PAX4: variants seen among roughly 807,000 people sequenced by gnomAD.
The protein encoded by PAX4 is paired box 4, also known as paired box protein Pax-4.
Under a neutral mutation model 40.6 loss-of-function variants are expected in PAX4, and 33 were observed. The observed-to-expected ratio is 0.81, with a 90% CI of 0.62 to 1.09. The LOEUF (loss-of-function observed/expected upper bound fraction) is 1.09, where lower values mean the gene tolerates loss of function less well. PAX4 is among the 50% of genes least tolerant of loss of function. PAX4 has a pLI of 0.00. For synonymous variants in PAX4, 174 were observed against 170.6 expected, an observed-to-expected ratio of 1.02 and a Z score of -0.16; for missense variants, 459 against 442.5, an observed-to-expected ratio of 1.04 and a Z score of -0.33.
At chr7:127,611,872 C>T (rs950861783) in intron 10 of PAX4, 73 bp downstream of exon 10, 10 of 1,607,262 alleles carry the variant, frequency 6.2e-6, no homozygotes, top group Non-Finnish European at 7.6e-6. Context: ...GATCCTGGCT[C>T]AGGCCAGAAA....
rs1794743822 is a variant in PAX4, at chr7:127,617,953, G to A, written c.-226+9C>T. Reference sequence around the variant, plus strand: ...GGCAGGGCAGACAATGAGCCTGCAGGTGAGCTACCTGTGTGGAGGAAATGA... The same window carrying A: ...GGCAGGGCAGACAATGAGCCTGCAGATGAGCTACCTGTGTGGAGGAAATGA... On this transcript the variant is annotated intron_variant, in intron 1 of 11. Coordinates refer to ENST00000639438, the MANE Select transcript of PAX4 (RefSeq NM_001366110.1). 6.6e-6 allele frequency: 1 copy of A among 152,246 alleles called. No individual in the cohort carries two copies. Among genetic ancestry groups the A allele is most frequent in the Non-Finnish European group, 1.5e-5 (1 of 68,108 alleles). 9.4% of individuals were successfully genotyped at this position (152,246 alleles called of 1,614,324 possible). A position where few individuals can be genotyped will look rare whatever the true frequency, so the allele number is the denominator to read the frequency against.
intron 2 of PAX4, among the ~76,000 whole-genome samples, 153 bp from the exon 3 acceptor site, chr7:127,616,180 A>AT (rs1261482859): frequency 6.6e-6 from 1 of 152,212 alleles, no homozygotes; most frequent in East Asian, 1.9e-4. Context: ...CCTTTGTGTG[A>AT]TAAAAACTAA....
chr7:127,612,950 T>G (rs1170485196), intron 9 of PAX4, 72 bp downstream of exon 9: 2 of 1,097,206 alleles, frequency 1.8e-6, no homozygotes, highest in Admixed American at 3.4e-5. Flanking sequence ...GATGGATGGA[T>G]GGATGGATGG....
At chr7:127,617,661 G>T (rs974136169) in intron 1 of PAX4, among the ~76,000 whole-genome samples, 2 of 152,168 alleles carry the variant, frequency 1.3e-5, no homozygotes, top group Non-Finnish European at 2.9e-5. Flanking sequence ...GAATTCAAAA[G>T]AGCAGTAGGG....
At chr7:127,615,278 C>CA (rs1402493237) in intron 4 of PAX4, 123 bp downstream of exon 4, 11 of 1,604,246 alleles carry the variant, frequency 6.9e-6, no homozygotes, top group Non-Finnish European at 9.3e-6. Context: ...GAGGATCTCC[C>CA]AGGAAGTGAC....
chr7:127,615,653 A>G, intron 3 of PAX4, 122 bp from the exon 4 acceptor site: 1 of 1,581,492 alleles, frequency 6.3e-7, no homozygotes, highest in Non-Finnish European at 8.6e-7. Flanking sequence ...CTCCTGGGAG[A>G]CTGCATCCTT....
At chr7:127,615,869 T>C (rs1312839810) in intron 3 of PAX4, 47 bp downstream of exon 3, 3 of 1,535,752 alleles carry the variant, frequency 2.0e-6, no homozygotes, top group Non-Finnish European at 1.7e-6. Context: ...GGTCTTCCCC[T>C]GTCTCTGTTG....
intron 3 of PAX4, 160 bp downstream of exon 3, chr7:127,615,756 A>G (rs1794715690): frequency 1.3e-6 from 2 of 1,501,102 alleles, no homozygotes; most frequent in African/African-American, 1.4e-5. Flanking sequence ...AACTCTCCTG[A>G]TCTAAGGGAA....
In PAX4 at chr7:127,610,570, T is replaced by TGC. The variant is rs61297182; in HGVS notation, c.*492_*493dup. ...CAGTGTGTGTGTGTGTGTGTGTGTG[T>TGC]GCGCGCACGCATGCACGCATACATA... On this transcript the variant is annotated 3_prime_UTR_variant, in exon 12 of 12. Transcript: ENST00000639438. 0.18 allele frequency: 56,459 copies of TGC among 313,192 alleles called. 5,446 individuals are homozygous for TGC. Among genetic ancestry groups the TGC allele is most frequent in the South Asian group, 0.22 (6,459 of 29,126 alleles). The allele number at this position is 313,192 out of a possible 1,614,324, so 19.4% of individuals were successfully genotyped here.
rs147670794 is a variant in PAX4 at position 127,611,954 on chromosome 7, G to A, written c.762C>T (p.Ile254=). 429 of 1,614,044 alleles carry A rather than the reference G, an allele frequency of 2.7e-4. 1 individual carries two copies. The highest frequency in any genetic ancestry group is 3.4e-4 in the Non-Finnish European group (398 of 1,180,028). Residue 254 remains isoleucine (I), a synonymous_variant, in exon 10 of 12, where the codon ATC becomes ATT. Coordinates refer to ENST00000639438, the MANE Select transcript of PAX4 (RefSeq NM_001366110.1). The stretch of plus-strand genomic sequence containing the variant: ...CTCTCCTCCCGAGTACCTGTGCAGA[G>A]ATGATTCCTGGGGCAACCCTTGGTA... The part of the protein sequence containing the change: ...LTVPRVAPGI[I]SAQQSPGSVP...
Position 127,614,888 on chromosome 7 carries a change from T to C in PAX4, c.352A>G (p.Thr118Ala). Residue 118 changes from threonine (T) to alanine (A), a missense_variant, in exon 5 of 12, where the codon ACT becomes GCT. Coordinates refer to ENST00000639438, the MANE Select transcript of PAX4 (RefSeq NM_001366110.1). ...CAEGLCTQDK[T>A]PSVSSINRVL... ...GAGGGAAGGGTACTTACACTGGGAG[T>C]CTTGTCCTGGGTGCAAAGCCCTTCA... The C allele has an allele frequency of 1.9e-6, 3 of 1,613,528 alleles. No individual in the cohort carries two copies. The South Asian group carries it at 3.3e-5, about 18-fold the overall frequency.
At position 127,615,402 on chromosome 7, in the gene PAX4, T is replaced by C. The variant is rs777298002; in HGVS notation, c.143A>G (p.Lys48Arg). The change falls in exon 4 of 12, where the codon AAG (lysine) becomes AGG (arginine). Residue 48 changes from lysine (K) to arginine (R), a missense_variant and splice_region_variant. Transcript: ENST00000639438. Reference sequence around the variant, plus strand: ...TGGGTAAAGGTGCTGGCCCATTACCTTAAGGATCCGTGAGATGTCACAGGG... The same window carrying C: ...TGGGTAAAGGTGCTGGCCCATTACCCTAAGGATCCGTGAGATGTCACAGGG... The part of the protein sequence containing the change: ...MRPCDISRIL[K>R]VSNGCVSKIL... The C allele has an allele frequency of 5.6e-6, 9 of 1,614,186 alleles. No homozygotes were observed. The South Asian group carries it at 9.9e-5, about 18-fold the overall frequency.
chr7:127,613,126 CT>C, intron 8 of PAX4, 35 bp from the exon 9 acceptor site: 1 of 1,532,488 alleles, frequency 6.5e-7, no homozygotes, highest in Non-Finnish European at 9.0e-7. Flanking sequence ...GCTGGCTGTA[CT>C]TTATGCTGCC....
intron 2 of PAX4, among the ~76,000 whole-genome samples, chr7:127,616,472 C>G (rs528922651): frequency 1.2e-4 from 19 of 152,164 alleles, no homozygotes; most frequent in Non-Finnish European, 2.2e-4. Flanking sequence ...CTCGGTTGGG[C>G]TCTCCAAACT....
chr7:127,615,830 T>A, intron 3 of PAX4, 86 bp downstream of exon 3: 1 of 1,533,660 alleles, frequency 6.5e-7, no homozygotes, highest in South Asian at 1.2e-5. Flanking sequence ...CAATAGCAGA[T>A]GAAACAGTTG....
intron 2 of PAX4, among the ~76,000 whole-genome samples, chr7:127,616,417 C>G (rs1794723924): frequency 6.6e-6 from 1 of 152,234 alleles, no homozygotes; most frequent in Non-Finnish European, 1.5e-5. Flanking sequence ...GCCAGAGATT[C>G]TGGGGTCCTC....
chr7:127,613,363 C>G, intron 8 of PAX4, 87 bp downstream of exon 8: 3 of 1,282,278 alleles, frequency 2.3e-6, no homozygotes, highest in Non-Finnish European at 3.4e-6. Context: ...TTCTCACCTC[C>G]CCTCTCCACC....
intron 2 of PAX4, 21 bp from the exon 3 acceptor site, chr7:127,616,048 T>C (rs891332528): frequency 1.4e-5 from 16 of 1,180,316 alleles, no homozygotes; most frequent in Non-Finnish European, 1.8e-5. Flanking sequence ...GGGGGGTTAT[T>C]TGGGTGAGGT....
rs768130181 is a variant in PAX4, at chr7:127,614,991, A to C, written c.249T>G (p.Pro83=). 3.7e-6 allele frequency: 6 copies of C among 1,614,160 alleles called. No individual in the cohort carries two copies. Among genetic ancestry groups the C allele is most frequent in the Non-Finnish European group, 5.1e-6 (6 of 1,180,018 alleles). Reference sequence around the variant, plus strand: ...TCAGCTGGGCAATTCGAGCCACCACAGGGGGTGTAGCCAGCCGTGGCTTGC... The same window carrying C: ...TCAGCTGGGCAATTCGAGCCACCACCGGGGGTGTAGCCAGCCGTGGCTTGC... ...GGSKPRLATP[P]VVARIAQLKG... is the part of the protein sequence containing the mutation. Residue 83 remains proline (P), a synonymous_variant, in exon 5 of 12, where the codon CCT becomes CCG. Coordinates refer to ENST00000639438, the MANE Select transcript of PAX4 (RefSeq NM_001366110.1).
Sources: allele counts gnomAD v4.1 joint callset (sites outside exome capture counted in the v4.1 genomes callset), GRCh38; gene constraint gnomAD v4.1.1; transcripts MANE v1.5; gene names NCBI Gene and HGNC (gene_info 2026-07-23, HGNC 2026-07-21).